The following METAP1D variants were observed in gnomAD, a reference collection of about 807,000 sequenced individuals.
METAP1D encodes the protein methionyl aminopeptidase type 1D, mitochondrial.
In METAP1D, 31 loss-of-function variants were observed where a neutral mutation model predicts 40.5. That is an observed-to-expected ratio of 0.77 (90% CI 0.58 to 1.03). The LOEUF is 1.03. Among genes scored for constraint, METAP1D ranks in the 50% least tolerant of loss-of-function variants. The probability of loss-of-function intolerance (pLI) is 0.00; values close to 1 mark genes in which losing one functional copy is unlikely to be tolerated. For missense variants in METAP1D, 411 were observed against 420.7 expected (o/e 0.98, Z 0.20); for synonymous variants, 151 against 146.4 (o/e 1.03, Z -0.22).
intron 1 of METAP1D, among the ~76,000 whole-genome samples, chr2:172,013,207 C>A (rs559372381): frequency 6.6e-6 from 1 of 152,318 alleles, no homozygotes; most frequent in South Asian, 2.1e-4. Flanking sequence ...GGCTGTCGAG[C>A]AGCAGGACTT....
At chr2:172,044,404 C>CAAAAAA (rs782088377) in intron 1 of METAP1D, among the ~76,000 whole-genome samples, 1 of 69,182 alleles carries the variant, frequency 1.4e-5, no homozygotes, top group Non-Finnish European at 3.3e-5. Context: ...CTTAAAAATA[C>CAAAAAA]AAAAAAAAAA....
At chr2:172,021,915 C>A (rs1689016104) in intron 1 of METAP1D, 1 of 152,228 alleles carries the variant, frequency 6.6e-6, no homozygotes, top group Admixed American at 6.5e-5. Context: ...GTTGTGTTAA[C>A]ATTAGGAAGA....
chr2:172,063,861 G>T lies in METAP1D; in HGVS notation c.348+1G>T. 6.2e-7 allele frequency: 1 copy of T among 1,607,472 alleles called. No individual in the cohort carries two copies. The highest frequency in any genetic ancestry group is 8.5e-7 in the Non-Finnish European group (1 of 1,177,670). On this transcript the variant is annotated splice_donor_variant, in intron 3 of 9. Coordinates refer to ENST00000315796, the MANE Select transcript of METAP1D (RefSeq NM_199227.3). LOFTEE classifies it high-confidence loss of function. ...CCTCTTGGCTGGGAAGAGTTTAAAG[G>T]TGGCGTCTCACCAAGCCTCAGAACG...
At chr2:172,009,754 A>T (rs1217502249) in intron 1 of METAP1D, among the ~76,000 whole-genome samples, 1 of 152,098 alleles carries the variant, frequency 6.6e-6, no homozygotes, top group Non-Finnish European at 1.5e-5. Context: ...TTCTGAATGT[A>T]TTGGAGAGGG....
chr2:172,012,564 A>G (rs1476559099), intron 1 of METAP1D, among the ~76,000 whole-genome samples: 1 of 152,174 alleles, frequency 6.6e-6, no homozygotes, highest in East Asian at 1.9e-4. Flanking sequence ...GAGATGCTGC[A>G]CTTTAAAGAA....
intron 1 of METAP1D, among the ~76,000 whole-genome samples, chr2:172,020,277 G>A (rs183758300): frequency 2.0e-5 from 3 of 152,264 alleles, no homozygotes; most frequent in African/African-American, 7.2e-5. Context: ...GAGCCACCGC[G>A]CCCGGCCTAA....
intron 1 of METAP1D, among the ~76,000 whole-genome samples, chr2:172,057,521 A>G (rs2105468201): frequency 6.6e-6 from 1 of 152,308 alleles, no homozygotes. Context: ...TTGGTCAGCG[A>G]AGGCAGCTTG....
intron 6 of METAP1D, among the ~76,000 whole-genome samples, chr2:172,075,294 A>G (rs1690515029): frequency 1.3e-5 from 2 of 152,190 alleles, no homozygotes; most frequent in South Asian, 4.1e-4. Context: ...AAATCAGAAG[A>G]TCTACTACCA....
chr2:172,064,615 A>G (rs1320265638), intron 3 of METAP1D, among the ~76,000 whole-genome samples: 1 of 132,692 alleles, frequency 7.5e-6, no homozygotes, highest in African/African-American at 2.9e-5. Flanking sequence ...GTGAGACTCC[A>G]TCTCAAAAAA....
intron 1 of METAP1D, among the ~76,000 whole-genome samples, chr2:172,035,455 C>T (rs564161746): frequency 6.6e-6 from 1 of 152,272 alleles, no homozygotes; most frequent in African/African-American, 2.4e-5. Flanking sequence ...TGAGCCACCA[C>T]CCCCGGCCTA....
chr2:172,013,947 A>G (rs1419814259), intron 1 of METAP1D, among the ~76,000 whole-genome samples: 1 of 149,350 alleles, frequency 6.7e-6, no homozygotes, highest in African/African-American at 2.5e-5. Flanking sequence ...CAGCTTCCCG[A>G]GTAGCTGGGA....
intron 1 of METAP1D, among the ~76,000 whole-genome samples, chr2:172,055,684 CTTA>C: frequency 6.6e-6 from 1 of 152,274 alleles, no homozygotes; most frequent in Admixed American, 6.5e-5. Context: ...AGTATGGCAC[CTTA>C]TTATCCTGTT....
At chr2:172,026,663 T>G (rs1689127063) in intron 1 of METAP1D, among the ~76,000 whole-genome samples, 1 of 152,244 alleles carries the variant, frequency 6.6e-6, no homozygotes, top group South Asian at 2.1e-4. Flanking sequence ...CTTAGTTTAA[T>G]TTACACAATA....
chr2:172,075,626 A>C (rs1181166828), intron 6 of METAP1D, among the ~76,000 whole-genome samples: 1 of 152,202 alleles, frequency 6.6e-6, no homozygotes, highest in African/African-American at 2.4e-5. Flanking sequence ...CAGGTAAATA[A>C]TCTTGTGCTC....
intron 1 of METAP1D, among the ~76,000 whole-genome samples, chr2:172,011,138 T>G (rs185895378): frequency 6.6e-6 from 1 of 152,040 alleles, no homozygotes; most frequent in Non-Finnish European, 1.5e-5. Flanking sequence ...ATTCAGTGAT[T>G]TTTTAGTATA....
chr2:172,026,836 A>G (rs1019004405), intron 1 of METAP1D, among the ~76,000 whole-genome samples: 1 of 152,314 alleles, frequency 6.6e-6, no homozygotes, highest in Non-Finnish European at 1.5e-5. Context: ...ACAGTCACCA[A>G]TTCTGTACCA....
rs1690585559 is a variant in METAP1D at position 172,077,853 on chromosome 2, T to A, written c.761T>A (p.Ile254Lys). ...QVCPHFVGHG[I>K]GSYFHGHPEI... Reference sequence around the variant, plus strand: ...TGTCCACATTTTGTGGGACATGGAATAGGATCTTACTTTCATGGACATCCA... The same window carrying A: ...TGTCCACATTTTGTGGGACATGGAAAAGGATCTTACTTTCATGGACATCCA... The change falls in exon 7 of 10, where the codon ATA (isoleucine) becomes AAA (lysine). Residue 254 changes from isoleucine (I) to lysine (K), a missense_variant. By Grantham distance (102) the Ile-to-Lys change is moderately radical. Transcript: ENST00000315796. 1 of 1,612,212 alleles carries A rather than the reference T, an allele frequency of 6.2e-7. No homozygotes were observed.
chr2:172,022,027 A>G (rs1452552492), intron 1 of METAP1D, among the ~76,000 whole-genome samples: 1 of 152,090 alleles, frequency 6.6e-6, no homozygotes, highest in Non-Finnish European at 1.5e-5. Flanking sequence ...TTTTAATTTC[A>G]TTTTTTAGTT....
intron 1 of METAP1D, among the ~76,000 whole-genome samples, chr2:172,036,541 A>G (rs1448039040): frequency 6.6e-6 from 1 of 151,054 alleles, no homozygotes; most frequent in Non-Finnish European, 1.5e-5. Flanking sequence ...AATTTTTTGT[A>G]TTTTTAGTAG....
Sources: allele counts gnomAD v4.1 joint callset (sites outside exome capture counted in the v4.1 genomes callset), GRCh38; gene constraint gnomAD v4.1.1; transcripts MANE v1.5; gene names NCBI Gene and HGNC (gene_info 2026-07-23, HGNC 2026-07-21).